FANCD2: variants seen among roughly 807,000 people sequenced by gnomAD.
The protein encoded by FANCD2 is FA complementation group D2.
FANCD2 carries 131 observed loss-of-function variants against 192.3 expected under a neutral mutation model. The observed-to-expected ratio is 0.68, with a 90% confidence interval of 0.59 to 0.79. The LOEUF (loss-of-function observed/expected upper bound fraction) is 0.79, where lower values mean the gene tolerates loss of function less well. Among genes scored for constraint, FANCD2 ranks in the 30% least tolerant of loss-of-function variants. The pLI, the probability that FANCD2 is intolerant of heterozygous loss-of-function variation, is 0.00. For missense variants in FANCD2, 1,508 were observed against 1,701.6 expected, an observed-to-expected ratio of 0.89 and a Z score of 2.00; for synonymous variants, 524 against 612.5, an observed-to-expected ratio of 0.86 and a Z score of 2.13.
chr3:10,095,339 G>T, intron 41 of FANCD2, 65 bp downstream of exon 41: 1 of 1,250,584 alleles, frequency 8.0e-7, no homozygotes, highest in East Asian at 2.4e-5. Context: ...TGCTATTGGG[G>T]GATCCATGGG....
intron 32 of FANCD2, among the ~76,000 whole-genome samples, chr3:10,084,209 G>C (rs1047335739): frequency 1.3e-5 from 2 of 150,566 alleles, no homozygotes; most frequent in Admixed American, 1.3e-4. Flanking sequence ...GGCCAGGCTG[G>C]TCTTGAACTC....
At chr3:10,064,249 T>A in intron 21 of FANCD2, 107 bp from the exon 22 acceptor site, 4 of 891,844 alleles carry the variant, frequency 4.5e-6, no homozygotes, top group Non-Finnish European at 7.6e-6. Flanking sequence ...ATTACTTTCT[T>A]TTTAGAAATG....
intron 15 of FANCD2, among the ~76,000 whole-genome samples, 160 bp from the exon 16 acceptor site, chr3:10,047,757 T>A (rs1343172661): frequency 6.6e-6 from 1 of 152,194 alleles, no homozygotes; most frequent in African/African-American, 2.4e-5. Context: ...CTCAGAATGA[T>A]GAAGGATTAT....
At chr3:10,040,882 C>CT (rs111812387) in intron 9 of FANCD2, 918 of 167,546 alleles carry the variant, frequency 5.5e-3, no homozygotes, top group South Asian at 0.015. Flanking sequence ...TTTGTATAGT[C>CT]TTTTTTTTTT....
chr3:10,034,347 A>AAAAAATT, intron 3 of FANCD2, 122 bp from the exon 4 acceptor site: 1 of 639,558 alleles, frequency 1.6e-6, no homozygotes, highest in South Asian at 1.6e-5. Context: ...AAAAAAAAAG[A>AAAAAATT]TTTGTCTCTG....
chr3:10,072,955 C>G lies in FANCD2; in HGVS notation c.2579C>G (p.Ala860Gly). 1.2e-6 allele frequency: 2 copies of G among 1,601,416 alleles called. No individual in the cohort carries two copies. Among genetic ancestry groups the G allele is most frequent in the Non-Finnish European group, 1.7e-6 (2 of 1,168,530 alleles). ...CCTCATACTGTTACTGCTATTTCAG[C>G]AAAAATCAGAAAGAAAGGAAAAATA... ...ITPHTVTAIS[A>G]KIRKKGKIER... The change falls in exon 27 of 44, where the codon GCA becomes GGA. Residue 860 changes from alanine (A) to glycine (G), a missense_variant. Transcript: ENST00000675286.
intron 26 of FANCD2, among the ~76,000 whole-genome samples, chr3:10,070,117 C>G (rs1473611608): frequency 6.6e-6 from 1 of 151,218 alleles, no homozygotes; most frequent in Non-Finnish European, 1.5e-5. Context: ...GGCCGCGACC[C>G]CGTCTGGGAG....
In FANCD2 at chr3:10,028,610, C is replaced by G. The variant is rs2086515115; in HGVS notation, c.-33-15C>G. 9 of 1,536,638 alleles carry G rather than the reference C, an allele frequency of 5.9e-6. No individual in the cohort carries two copies. The highest frequency in any genetic ancestry group is 8.1e-6 in the Non-Finnish European group (9 of 1,109,756). On this transcript the variant is annotated splice_polypyrimidine_tract_variant and intron_variant, in intron 1 of 43. Transcript: ENST00000675286. ...TCTTCTAGAGGGTAACTTCTGTTTC[C>G]CGATTTTGCTCTAGGAAGTAATTTA...
At chr3:10,093,916 T>C (rs555897211) in intron 39 of FANCD2, among the ~76,000 whole-genome samples, 1 of 152,322 alleles carries the variant, frequency 6.6e-6, no homozygotes, top group Non-Finnish European at 1.5e-5. Flanking sequence ...GAGTCATTTA[T>C]CTGATTGGGA....
At chr3:10,043,454 A>T (rs1373390180) in intron 12 of FANCD2, 30 bp from the exon 13 acceptor site, 1 of 1,553,634 alleles carries the variant, frequency 6.4e-7, no homozygotes, top group Middle Eastern at 1.7e-4. Flanking sequence ...TACGTAGAAG[A>T]GTAATTTTTT....
At chr3:10,089,093 T>C (rs1486379840) in intron 36 of FANCD2, 143 bp downstream of exon 36, 9 of 912,312 alleles carry the variant, frequency 9.9e-6, no homozygotes, top group Non-Finnish European at 1.6e-5. Context: ...GAGACCCACT[T>C]GGCCAACATA....
At chr3:10,095,299 A>G (rs1226239866) in intron 41 of FANCD2, 25 bp downstream of exon 41, 1 of 1,597,918 alleles carries the variant, frequency 6.3e-7, no homozygotes, top group African/African-American at 1.3e-5. Context: ...AGGTTCTATC[A>G]GCAGCCTGCC....
chr3:10,064,903 T>C lies in FANCD2; in HGVS notation c.2168+28T>C, dbSNP rs541884919. 1.1e-5 allele frequency: 17 copies of C among 1,612,190 alleles called. No homozygotes were observed. The South Asian group carries it at 1.8e-4, about 17-fold the overall frequency. ...CAGTATAGTTTTTCTTTTCTAAACCTGTTAGTGTTTTGAATGTTCATGGGG... is the reference window on the plus strand; with the variant it reads ...CAGTATAGTTTTTCTTTTCTAAACCCGTTAGTGTTTTGAATGTTCATGGGG... On this transcript the variant is annotated intron_variant, in intron 23 of 43. Transcript: ENST00000675286.
intron 38 of FANCD2, among the ~76,000 whole-genome samples, chr3:10,093,007 T>G (rs899029139): frequency 3.3e-5 from 5 of 152,170 alleles, no homozygotes; most frequent in Non-Finnish European, 7.3e-5. Flanking sequence ...CAGTCTTTCT[T>G]AAGTCTTCAG....
chr3:10,081,484 G>A lies in FANCD2; in HGVS notation c.3224+20G>A, dbSNP rs1413997288. 6.7e-7 allele frequency: 1 copy of A among 1,488,374 alleles called. No homozygotes were observed. The highest frequency in any genetic ancestry group is 9.4e-7 in the Non-Finnish European group (1 of 1,065,292). The allele number at this position is 1,488,374 out of a possible 1,614,324, so 92.2% of individuals were successfully genotyped here. A position where few individuals can be genotyped will look rare whatever the true frequency, so the allele number is the denominator to read the frequency against. On this transcript the variant is annotated intron_variant, in intron 32 of 43. Coordinates refer to ENST00000675286, the MANE Select transcript of FANCD2 (RefSeq NM_001018115.3). Reference sequence around the variant, plus strand: ...TGCTTGGTAAGTATGTGGGAAGTGTGGAGAGAACTGAGTATATACTTGCTT... The same window carrying A: ...TGCTTGGTAAGTATGTGGGAAGTGTAGAGAGAACTGAGTATATACTTGCTT...
chr3:10,089,577 C>T (rs1403540999), intron 36 of FANCD2, among the ~76,000 whole-genome samples: 1 of 152,114 alleles, frequency 6.6e-6, no homozygotes. Context: ...TCAAACGATT[C>T]TCCTACCCCA....
rs760800033 is a variant in FANCD2 at position 10,096,340 on chromosome 3, G to A, written c.4053G>A (p.Thr1351=). 8 of 1,613,944 alleles carry A rather than the reference G, an allele frequency of 5.0e-6. 1 individual carries two copies. The Admixed American group carries it at 8.3e-5, about 17-fold the overall frequency. ...TTTCCATTCAGATTCACCAGGACACGAGACTCACCCAACATGTGCCTCTGC... is the reference window on the plus strand; with the variant it reads ...TTTCCATTCAGATTCACCAGGACACAAGACTCACCCAACATGTGCCTCTGC... ...LCGHSKIHQD[T]RLTQHVPLLK... The change falls in exon 42 of 44, where the codon ACG becomes ACA. Residue 1351 remains threonine (T), a synonymous_variant. Transcript: ENST00000675286.
intron 14 of FANCD2, chr3:10,046,343 G>A: frequency 3.8e-6 from 2 of 520,584 alleles, no homozygotes; most frequent in East Asian, 4.3e-5. Context: ...GTGAGCCACT[G>A]TGCCTGGCCT....
chr3:10,075,445 A>G (rs966442566), intron 29 of FANCD2, among the ~76,000 whole-genome samples: 5 of 152,144 alleles, frequency 3.3e-5, no homozygotes, highest in African/African-American at 9.7e-5. Flanking sequence ...TGGCCTCCCA[A>G]AGTGCTGGGA....
Sources: allele counts gnomAD v4.1 joint callset (sites outside exome capture counted in the v4.1 genomes callset), GRCh38; gene constraint gnomAD v4.1.1; transcripts MANE v1.5; gene names NCBI Gene and HGNC (gene_info 2026-07-23, HGNC 2026-07-21).